TAP2: variants seen among roughly 807,000 people sequenced by gnomAD.
TAP2 encodes antigen peptide transporter 2.
In TAP2, 49 loss-of-function variants were observed where a neutral mutation model predicts 74.7. The observed-to-expected ratio is 0.66, with a 90% CI of 0.52 to 0.83. The LOEUF is 0.83. Ranked by LOEUF, TAP2 falls within the 40% of genes least tolerant of loss-of-function variation. The pLI is 0.00. For synonymous variants in TAP2, 306 were observed against 368.4 expected, an observed-to-expected ratio of 0.83 and a Z score of 1.94; for missense variants, 739 against 859.0, an observed-to-expected ratio of 0.86 and a Z score of 1.75.
Position 32,828,675 on chromosome 6 carries a change from G to GCCTCCACCCCCCCCCCCCCCCCC in TAP2, c.*230_*231insGGGGGGGGGGGGGGGGGTGGAGG. The GCCTCCACCCCCCCCCCCCCCCCC allele has an allele frequency of 3.4e-6, 3 of 884,274 alleles. No homozygotes were observed. The highest frequency in any genetic ancestry group is 4.1e-6 in the Non-Finnish European group (3 of 735,234). The allele number at this position is 884,274 out of a possible 1,614,324, so 54.8% of individuals were successfully genotyped here. A position where few individuals can be genotyped will look rare whatever the true frequency, so the allele number is the denominator to read the frequency against. ...GAATTAAGTTTCCTGGACACAGACA[G>GCCTCCACCCCCCCCCCCCCCCCC]CCCCCACCCCACCCCACCCCACCTC... On this transcript the variant is annotated 3_prime_UTR_variant, in exon 12 of 12. Coordinates refer to ENST00000374897, the MANE Select transcript of TAP2 (RefSeq NM_001290043.2).
Position 32,830,664 on chromosome 6 carries a change from T to A in TAP2, c.1415A>T (p.Asp472Val). The A allele has an allele frequency of 6.2e-7, 1 of 1,613,052 alleles. No homozygotes were observed. ...GCGATTGGGATATGCAAAGGAGACG[T>A]CTTGGAATTTCACAACCCCCTGCAG... is the stretch of plus-strand genomic sequence containing the variant. ...TTLQGVVKFQDVSFAYPNRPD... is the reference protein window; with the variant it reads ...TTLQGVVKFQVVSFAYPNRPD... The change falls in exon 8 of 12, where the codon GAC becomes GTC. Residue 472 changes from aspartate (D) to valine (V), a missense_variant. Physicochemically the swap from Asp to Val is radical, Grantham distance 152. Transcript: ENST00000374897.
Position 32,830,100 on chromosome 6 carries a change from G to A in TAP2, c.1636-11C>T, listed in dbSNP as rs778988286. The stretch of plus-strand genomic sequence containing the variant: ...CCCAACTGAAACCACCTGTGCAGCA[G>A]GGACAGGGGCAGAGGACTATGTGTA... On this transcript the variant is annotated splice_polypyrimidine_tract_variant and intron_variant, in intron 9 of 11. Coordinates refer to ENST00000374897, the MANE Select transcript of TAP2 (RefSeq NM_001290043.2). 13 of 1,612,798 alleles carry A rather than the reference G, an allele frequency of 8.1e-6. No individual in the cohort carries two copies. The African/African-American group carries it at 1.3e-4, about 17-fold the overall frequency.
At position 32,828,448 on chromosome 6, in the gene TAP2, G is replaced by T; in HGVS notation, c.*458C>A. 2 of 985,164 alleles carry T rather than the reference G, an allele frequency of 2.0e-6. No homozygotes were observed. Among genetic ancestry groups the T allele is most frequent in the Non-Finnish European group, 2.4e-6 (2 of 829,606 alleles). 61.0% of individuals were successfully genotyped at this position (985,164 alleles called of 1,614,324 possible). On this transcript the variant is annotated 3_prime_UTR_variant, in exon 12 of 12. Transcript: ENST00000374897. The stretch of plus-strand genomic sequence containing the variant: ...TCAAACAACAGATAAACGACTGATG[G>T]GACAGGCAGCAAAATAGCAACTATG...
In TAP2 at chr6:32,832,800, C is replaced by A. The variant is rs143726288; in HGVS notation, c.970G>T (p.Ala324Ser). The A allele has an allele frequency of 6.2e-7, 1 of 1,612,870 alleles. No homozygotes were observed. The highest frequency in any genetic ancestry group is 1.3e-5 in the African/African-American group (1 of 75,060). Residue 324 changes from alanine (A) to serine (S), a missense_variant, in exon 6 of 12, where the codon GCA becomes TCA. By Grantham distance (99) the Ala-to-Ser change is moderately conservative (BLOSUM62 1). Coordinates refer to ENST00000374897, the MANE Select transcript of TAP2 (RefSeq NM_001290043.2). The surrounding 1 kb of genome is among the most constrained non-coding windows in gnomAD (Gnocchi z 5.9). ...HQEVLREIQD[A>S]VARAGQVVRE... is the part of the protein sequence containing the mutation. ...ACCACCTGCCCCGCCCTGGCCACTG[C>A]ATCCTGGATCTCCCGAAGCACTTCC...
rs1192187465 is a variant in TAP2, at chr6:32,828,533, AT to A, written c.*372del. 4.0e-5 allele frequency: 39 copies of A among 977,922 alleles called. No homozygotes were observed. Among genetic ancestry groups the A allele is most frequent in the Non-Finnish European group, 4.5e-5 (37 of 822,000 alleles). 60.6% of individuals were successfully genotyped at this position (977,922 alleles called of 1,614,324 possible). ...ACTTTTCTTCTTTGTACTTTTTTAT[AT>A]TGTCTAAATTTTCTATATGAATGTA... On this transcript the variant is annotated 3_prime_UTR_variant, in exon 12 of 12. Transcript: ENST00000374897.
rs1169413988 is a variant in TAP2, at chr6:32,828,405, T to C, written c.*501A>G. 20 of 985,748 alleles carry C rather than the reference T, an allele frequency of 2.0e-5. No individual in the cohort carries two copies. Among genetic ancestry groups the C allele is most frequent in the Non-Finnish European group, 2.4e-5 (20 of 830,308 alleles). 61.1% of individuals were successfully genotyped at this position (985,748 alleles called of 1,614,324 possible). A position where few individuals can be genotyped will look rare whatever the true frequency, so the allele number is the denominator to read the frequency against. On this transcript the variant is annotated 3_prime_UTR_variant, in exon 12 of 12. Transcript: ENST00000374897. ...GCAATCTCATGAATATTTATGTCAT[T>C]TTTGGTTAATTTCTATCTCAAACAA... is the stretch of plus-strand genomic sequence containing the variant.
At chr6:32,829,665 C>A in intron 10 of TAP2, 129 bp from the exon 11 acceptor site, 2 of 1,450,442 alleles carry the variant, frequency 1.4e-6, no homozygotes, top group Non-Finnish European at 1.9e-6. Context: ...CGGGGAGGGC[C>A]CAGTGGGAGG....
At chr6:32,824,848 G>A (rs1220947828), downstream of TAP2, among the ~76,000 whole-genome samples, 1 of 151,888 alleles carries the variant, frequency 6.6e-6, no homozygotes, top group East Asian at 1.9e-4. Context: ...ACTTGTGGTT[G>A]CTCTGCCTTA....
chr6:32,822,813 G>A (rs938866085), downstream of TAP2, among the ~76,000 whole-genome samples: 2 of 151,936 alleles, frequency 1.3e-5, no homozygotes, highest in Non-Finnish European at 2.9e-5. Flanking sequence ...TTATAGGTGT[G>A]AGCCACTGCA....
At chr6:32,829,315 T>A (rs1419350941) in intron 11 of TAP2, 85 bp downstream of exon 11, 11 of 1,542,096 alleles carry the variant, frequency 7.1e-6, no homozygotes, top group Admixed American at 3.9e-5. Context: ...TCCTTCGTCC[T>A]CCCTCTGCCC....
Position 32,831,163 on chromosome 6 carries a change from G to C in TAP2, c.1273-357C>G, listed in dbSNP as rs142615404. ...GCCCAACTCACCTTTGTAGCCGTCA[G>C]AGTGCCCAGCGCAGTTCTCTACACA... On this transcript the variant is annotated intron_variant, in intron 7 of 11. Coordinates refer to ENST00000374897, the MANE Select transcript of TAP2 (RefSeq NM_001290043.2). Among the ~76,000 whole-genome samples, 52 of 152,336 alleles carry C rather than the reference G, an allele frequency of 3.4e-4. 1 individual carries two copies. The East Asian group carries it at 9.8e-3, about 29-fold the overall frequency.
chr6:32,824,686 A>T (rs1768521677), downstream of TAP2, among the ~76,000 whole-genome samples: 1 of 152,120 alleles, frequency 6.6e-6, no homozygotes, highest in South Asian at 2.1e-4. Flanking sequence ...TAGGAATTTT[A>T]AATTCTAATT....
At chr6:32,825,126 T>TTA (rs28381588), downstream of TAP2, among the ~76,000 whole-genome samples, 26 of 140,686 alleles carry the variant, frequency 1.8e-4, no homozygotes, top group Admixed American at 4.4e-4. Flanking sequence ...TGTCTGTTGG[T>TTA]TATATACATA....
chr6:32,828,086 C>T lies in TAP2; in HGVS notation c.*820G>A, dbSNP rs1768772924. ...TAGGGTCAGGCCTGTGTTCAAACTC[C>T]AACTCCACCACTACGACCACCTTGG... On this transcript the variant is annotated 3_prime_UTR_variant, in exon 12 of 12. Transcript: ENST00000374897. 3 of 859,872 alleles carry T rather than the reference C, an allele frequency of 3.5e-6. No individual in the cohort carries two copies. Among genetic ancestry groups the T allele is most frequent in the Non-Finnish European group, 4.2e-6 (3 of 716,280 alleles). 53.3% of individuals were successfully genotyped at this position (859,872 alleles called of 1,614,324 possible). A position where few individuals can be genotyped will look rare whatever the true frequency, so the allele number is the denominator to read the frequency against.
At position 32,832,228 on chromosome 6, in the gene TAP2, G is replaced by T; in HGVS notation, c.1272+105C>A. ...CATAGCAAAATTACTTGCGGGTTTT[G>T]GTTTTGTATTGTATTGTTAAAAAGA... On this transcript the variant is annotated intron_variant, in intron 7 of 11. Transcript: ENST00000374897. This position sits in a 1 kb window ranked among gnomAD's most constrained non-coding sequence, Gnocchi z 5.9. The T allele has an allele frequency of 6.6e-7, 1 of 1,512,334 alleles. No individual in the cohort carries two copies. Among genetic ancestry groups the T allele is most frequent in the Non-Finnish European group, 9.0e-7 (1 of 1,110,848 alleles). 93.7% of individuals were successfully genotyped at this position (1,512,334 alleles called of 1,614,324 possible). A position where few individuals can be genotyped will look rare whatever the true frequency, so the allele number is the denominator to read the frequency against.
intron 5 of TAP2, among the ~76,000 whole-genome samples, chr6:32,833,861 A>G (rs1769247561): frequency 6.6e-6 from 1 of 152,184 alleles, no homozygotes. Context: ...GTGATATTGA[A>G]TAAGTCTCAC....
rs1246916072 is a variant in TAP2 at position 32,832,153 on chromosome 6, G to C, written c.1272+180C>G. 4.9e-6 allele frequency: 4 copies of C among 815,356 alleles called. No individual in the cohort carries two copies. The highest frequency in any genetic ancestry group is 1.9e-6 in the Non-Finnish European group (1 of 517,276). The allele number at this position is 815,356 out of a possible 1,614,324, so 50.5% of individuals were successfully genotyped here. On this transcript the variant is annotated intron_variant, in intron 7 of 11. Coordinates refer to ENST00000374897, the MANE Select transcript of TAP2 (RefSeq NM_001290043.2). The surrounding 1 kb of genome is among the most constrained non-coding windows in gnomAD (Gnocchi z 5.9). The stretch of plus-strand genomic sequence containing the variant: ...GTTAAAGCACAGGATGTATACATGT[G>C]AGTTTGTAATATTATTTTGTCTCAT...
chr6:32,832,886 T>TA lies in TAP2; in HGVS notation c.946-63dup. ...GCAAAGACAGCAGGCCCCCACATCT[T>TA]ACTCCAGCCAGTGAGATGCTCCCTA... On this transcript the variant is annotated intron_variant, in intron 5 of 11. Coordinates refer to ENST00000374897, the MANE Select transcript of TAP2 (RefSeq NM_001290043.2). This position sits in a 1 kb window ranked among gnomAD's most constrained non-coding sequence, Gnocchi z 5.9. 2.6e-6 allele frequency: 4 copies of TA among 1,566,216 alleles called. No individual in the cohort carries two copies. The highest frequency in any genetic ancestry group is 3.5e-6 in the Non-Finnish European group (4 of 1,145,976).
In TAP2 at chr6:32,829,060, G is replaced by A. The variant is rs938846954; in HGVS notation, c.1933-26C>T. On this transcript the variant is annotated intron_variant, in intron 11 of 11. Transcript: ENST00000374897. ...CTGAAGGGGTGATCACAGTGCCTCA[G>A]AAAGACAGGAATGAGATGGACACCA... is the stretch of plus-strand genomic sequence containing the variant. The A allele has an allele frequency of 3.9e-6, 6 of 1,535,362 alleles. No homozygotes were observed. The Admixed American group carries it at 9.8e-5, about 25-fold the overall frequency.
Sources: gnomAD v4.1 joint callset for allele counts (sites outside exome capture counted in the v4.1 genomes callset) on GRCh38, gnomAD v4.1.1 for gene constraint, Gnocchi (gnomAD v3.1) non-coding constraint, MANE v1.5 for transcripts, NCBI Gene and HGNC (gene_info 2026-07-23, HGNC 2026-07-21) for gene names.